The following CHODL variants were observed in gnomAD, a reference collection of about 807,000 sequenced individuals.
CHODL encodes the protein chondrolectin.
In CHODL, 29 loss-of-function variants were observed where a neutral mutation model predicts 34.5. The observed-to-expected ratio is 0.84, with a 90% CI of 0.63 to 1.15. The LOEUF is 1.15. Ranked by LOEUF, CHODL falls within the 50% of genes most tolerant of loss-of-function variation. CHODL has a pLI of 0.00. For synonymous variants in CHODL, 125 were observed against 116.1 expected, an observed-to-expected ratio of 1.08 and a Z score of -0.49; for missense variants, 332 against 332.5, an observed-to-expected ratio of 1.00 and a Z score of 0.01.
chr21:18,161,218 G>A (rs2073091769), intron 2 of CHODL, among the ~76,000 whole-genome samples: 1 of 152,034 alleles, frequency 6.6e-6, no homozygotes, highest in Admixed American at 6.6e-5. Context: ...CCTTATAGAT[G>A]TAAAGGCATA....
intron 1 of CHODL, among the ~76,000 whole-genome samples, chr21:17,993,612 T>C (rs2063818946): frequency 6.6e-6 from 1 of 152,226 alleles, no homozygotes; most frequent in East Asian, 1.9e-4. Context: ...TTATCCAGTC[T>C]ATCATTGATG....
intron 2 of CHODL, among the ~76,000 whole-genome samples, chr21:18,066,397 A>G (rs1046619999): frequency 1.3e-5 from 2 of 152,154 alleles, no homozygotes; most frequent in Admixed American, 6.5e-5. Context: ...TCATATTTGA[A>G]TATTTTATTT....
chr21:17,999,905 C>G (rs990513101), intron 1 of CHODL, among the ~76,000 whole-genome samples: 6 of 152,298 alleles, frequency 3.9e-5, no homozygotes, highest in Non-Finnish European at 8.8e-5. Context: ...TGTACACCAA[C>G]CTCTCTGAGC....
chr21:18,189,582 T>A (rs572942510), intron 2 of CHODL, among the ~76,000 whole-genome samples: 1 of 152,150 alleles, frequency 6.6e-6, no homozygotes, highest in Admixed American at 6.6e-5. Flanking sequence ...TTAATTACTT[T>A]GCACAACCTA....
intron 1 of CHODL, among the ~76,000 whole-genome samples, chr21:18,000,704 G>A (rs1461074498): frequency 2.6e-5 from 4 of 152,216 alleles, no homozygotes; most frequent in South Asian, 2.1e-4. Flanking sequence ...GTTTCTCCTT[G>A]TTCCATGCAG....
intron 2 of CHODL, among the ~76,000 whole-genome samples, chr21:18,198,808 T>C (rs1289992665): frequency 6.6e-6 from 1 of 152,174 alleles, no homozygotes; most frequent in Non-Finnish European, 1.5e-5. Context: ...TCTGTGGCTC[T>C]GGACAGCCAT....
intron 2 of CHODL, among the ~76,000 whole-genome samples, chr21:18,089,709 G>A (rs1377862944): frequency 6.6e-6 from 1 of 152,018 alleles, no homozygotes; most frequent in Non-Finnish European, 1.5e-5. Flanking sequence ...TTCTTTCTGA[G>A]ACACCATTAA....
intron 1 of CHODL, among the ~76,000 whole-genome samples, chr21:17,959,332 G>A (rs568423992): frequency 3.9e-5 from 6 of 152,214 alleles, no homozygotes; most frequent in African/African-American, 1.4e-4. Context: ...TGTCCACTAC[G>A]TTTTTGGTGT....
At position 18,028,281 on chromosome 21, in the gene CHODL, TCCTTCC is replaced by T. The variant is rs1568851110; in HGVS notation, c.-45+311_-45+316del. Among the ~76,000 whole-genome samples, 24 of 101,694 alleles carry T rather than the reference TCCTTCC, an allele frequency of 2.4e-4. 1 individual carries two copies. Among genetic ancestry groups the T allele is most frequent in the Admixed American group, 1.6e-3 (13 of 8,038 alleles). The allele number at this position is 101,694 out of a possible 152,430, so 66.7% of individuals were successfully genotyped here. A position where few individuals can be genotyped will look rare whatever the true frequency, so the allele number is the denominator to read the frequency against. On this transcript the variant is annotated intron_variant, in intron 2 of 6. Transcript: ENST00000400127. ...TTCTTTTTCTTTTTCCTTTTCCCCT[TCCTTCC>T]TTCCTTCCTTCCTTCCTTCCTTCCT... is the stretch of plus-strand genomic sequence containing the variant.
chr21:18,160,401 G>A (rs928159869), intron 2 of CHODL, among the ~76,000 whole-genome samples: 4 of 152,000 alleles, frequency 2.6e-5, no homozygotes, highest in Non-Finnish European at 4.4e-5. Flanking sequence ...GTAAACTTGT[G>A]TCATGGGGGT....
chr21:18,110,164 C>T (rs1331299148), intron 2 of CHODL, among the ~76,000 whole-genome samples: 1 of 152,140 alleles, frequency 6.6e-6, no homozygotes, highest in Non-Finnish European at 1.5e-5. Context: ...TTTACAACAA[C>T]AAGAGTATTA....
At chr21:18,084,859 G>A (rs1164264354) in intron 2 of CHODL, among the ~76,000 whole-genome samples, 1 of 151,810 alleles carries the variant, frequency 6.6e-6, no homozygotes, top group East Asian at 1.9e-4. Context: ...AGTGCTATGA[G>A]AGAGGTGTTA....
At chr21:17,977,928 A>AAAAAAAAAG (rs1555845734) in intron 1 of CHODL, among the ~76,000 whole-genome samples, 1 of 150,576 alleles carries the variant, frequency 6.6e-6, no homozygotes, top group Non-Finnish European at 1.5e-5. Flanking sequence ...CAAAAAAAAA[A>AAAAAAAAAG]AAAAAAGAAA....
intron 1 of CHODL, among the ~76,000 whole-genome samples, chr21:17,960,226 G>T (rs1410942130): frequency 6.6e-6 from 1 of 152,148 alleles, no homozygotes; most frequent in Non-Finnish European, 1.5e-5. Context: ...AGTATTTTCG[G>T]CAAGTTGACA....
intron 2 of CHODL, among the ~76,000 whole-genome samples, chr21:18,059,830 C>G (rs1174749904): frequency 1.3e-5 from 2 of 152,132 alleles, no homozygotes; most frequent in Non-Finnish European, 2.9e-5. Context: ...CTTTGCTGTT[C>G]ATTCTCAATT....
chr21:18,111,406 T>C (rs1568892239), intron 2 of CHODL, among the ~76,000 whole-genome samples: 2 of 152,202 alleles, frequency 1.3e-5, no homozygotes, highest in Non-Finnish European at 2.9e-5. Context: ...CAAATCTCAA[T>C]GATGAGATTG....
chr21:18,095,832 T>C (rs2065132861), intron 2 of CHODL, among the ~76,000 whole-genome samples: 1 of 152,192 alleles, frequency 6.6e-6, no homozygotes, highest in African/African-American at 2.4e-5. Flanking sequence ...ATCCCAGGGA[T>C]GCAAGGATGG....
intron 2 of CHODL, among the ~76,000 whole-genome samples, chr21:18,132,232 G>C (rs951391890): frequency 6.6e-6 from 1 of 151,528 alleles, no homozygotes; most frequent in African/African-American, 2.4e-5. Flanking sequence ...CAAGAAAATA[G>C]AAAAAAAATG....
intron 2 of CHODL, among the ~76,000 whole-genome samples, chr21:18,218,195 A>T (rs964564474): frequency 6.6e-6 from 1 of 152,096 alleles, no homozygotes; most frequent in African/African-American, 2.4e-5. Context: ...TCCCTTCCAC[A>T]CTGACCTAGC....
Sources: allele counts gnomAD v4.1 joint callset (sites outside exome capture counted in the v4.1 genomes callset), GRCh38; gene constraint gnomAD v4.1.1; transcripts MANE v1.5; gene names NCBI Gene and HGNC (gene_info 2026-07-23, HGNC 2026-07-21).